The following ARV1 variants were observed in gnomAD, a reference collection of about 807,000 sequenced individuals.
ARV1 encodes the protein ARV1 fatty acid homeostasis modulator.
ARV1 carries 26 observed loss-of-function variants against 31.1 expected under a neutral mutation model. The ratio of observed to expected loss-of-function variants is 0.84; its 90% confidence interval spans 0.61 to 1.16. The LOEUF is 1.16. Among genes scored for constraint, ARV1 ranks in the 50% most tolerant of loss-of-function variants. The pLI, the probability that ARV1 is intolerant of heterozygous loss-of-function variation, is 0.00. For missense variants in ARV1, 281 were observed against 324.9 expected, an observed-to-expected ratio of 0.86 and a Z score of 1.04; for synonymous variants, 117 against 123.2, an observed-to-expected ratio of 0.95 and a Z score of 0.34.
At chr1:230,979,668 G>T in intron 1 of ARV1, 1 of 231,984 alleles carries the variant, frequency 4.3e-6, no homozygotes, top group Non-Finnish European at 8.4e-6. Context: ...ATTCACCTAC[G>T]ATGCTTTTTA....
At chr1:230,990,287 T>C (rs759258089) in intron 3 of ARV1, 24 bp downstream of exon 3, 1 of 1,611,588 alleles carries the variant, frequency 6.2e-7, no homozygotes, top group South Asian at 1.1e-5. Context: ...ATGCTTTCCA[T>C]TCTTAGTTAA....
Position 230,995,771 on chromosome 1 carries a change from T to C in ARV1, c.460T>C (p.Tyr154His). Residue 154 changes from tyrosine to histidine, a missense_variant, in exon 4 of 6, where the codon TAT becomes CAT. Physicochemically the swap from Tyr to His is moderately conservative, Grantham distance 83. Coordinates refer to ENST00000310256, the MANE Select transcript of ARV1 (RefSeq NM_022786.3). Reference protein sequence around the residue: ...FAIAALEQTAYFIGIFTFLWV... With the variant: ...FAIAALEQTAHFIGIFTFLWV... ...CATTTCTTCTTTAGAACAAACTGCC[T>C]ATTTTATTGGCATTTTTACCTTCCT... 2 of 1,613,046 alleles carry C rather than the reference T, an allele frequency of 1.2e-6. No individual in the cohort carries two copies. The highest frequency in any genetic ancestry group is 1.1e-5 in the South Asian group (1 of 90,856).
intron 2 of ARV1, 118 bp from the exon 3 acceptor site, chr1:230,989,992 T>G: frequency 9.8e-7 from 1 of 1,017,420 alleles, no homozygotes; most frequent in Non-Finnish European, 1.4e-6. Context: ...GCCACTTAAT[T>G]GGGCAGTCCT....
chr1:230,994,312 T>A (rs1410210225), intron 3 of ARV1, among the ~76,000 whole-genome samples: 1 of 152,224 alleles, frequency 6.6e-6, no homozygotes, highest in African/African-American at 2.4e-5. Flanking sequence ...TTTGAGTGTC[T>A]CCAGTGACAG....
Position 230,990,131 on chromosome 1 carries a change from T to C in ARV1, c.316T>C (p.Phe106Leu), listed in dbSNP as rs772724990. Reference protein sequence around the residue: ...QINIHGKLCIFCLLCEAYLRW... With the variant: ...QINIHGKLCILCLLCEAYLRW... ...TCAGATCCATGGAAAACTCTGCATATTTTGTTTGCTTTGTGAAGCATACCT... is the reference window on the plus strand; with the variant it reads ...TCAGATCCATGGAAAACTCTGCATACTTTGTTTGCTTTGTGAAGCATACCT... Residue 106 changes from phenylalanine (F) to leucine (L), a missense_variant, in exon 3 of 6, where the codon TTT becomes CTT. Coordinates refer to ENST00000310256, the MANE Select transcript of ARV1 (RefSeq NM_022786.3). 1 of 1,606,750 alleles carries C rather than the reference T, an allele frequency of 6.2e-7. No homozygotes were observed. The highest frequency in any genetic ancestry group is 2.2e-5 in the East Asian group (1 of 44,702).
intron 2 of ARV1, among the ~76,000 whole-genome samples, chr1:230,989,207 C>T (rs192753683): frequency 1.9e-4 from 29 of 152,198 alleles, no homozygotes; most frequent in Admixed American, 1.6e-3. Flanking sequence ...GGCGTGATCT[C>T]GGCTCACTGC....
chr1:230,985,105 C>A (rs1679028733), intron 1 of ARV1, among the ~76,000 whole-genome samples: 1 of 152,202 alleles, frequency 6.6e-6, no homozygotes, highest in South Asian at 2.1e-4. Context: ...ACAAGCAGGA[C>A]AAAATTCAAA....
chr1:230,985,093 A>T (rs1679028406), intron 1 of ARV1, among the ~76,000 whole-genome samples: 1 of 152,218 alleles, frequency 6.6e-6, no homozygotes, highest in Non-Finnish European at 1.5e-5. Flanking sequence ...GTGATTAAAG[A>T]GACAAGCAGG....
chr1:230,996,928 G>A (rs1373053812), intron 4 of ARV1, among the ~76,000 whole-genome samples, 193 bp from the exon 5 acceptor site: 2 of 152,132 alleles, frequency 1.3e-5, no homozygotes, highest in African/African-American at 4.8e-5. Flanking sequence ...TCAGTGTTTT[G>A]TTGTAAGTAG....
At chr1:230,979,600 G>A (rs1269666536) in intron 1 of ARV1, 4 of 324,938 alleles carry the variant, frequency 1.2e-5, no homozygotes, top group Non-Finnish European at 1.7e-5. Flanking sequence ...CTTCCTTCTA[G>A]CTCTTCTCCC....
chr1:230,983,139 G>T (rs1678957532), intron 1 of ARV1, among the ~76,000 whole-genome samples: 1 of 152,102 alleles, frequency 6.6e-6, no homozygotes, highest in Non-Finnish European at 1.5e-5. Flanking sequence ...TTTCGGCCTA[G>T]CACGGTGGCT....
chr1:230,989,454 G>T (rs552994892), intron 2 of ARV1, among the ~76,000 whole-genome samples: 2 of 152,128 alleles, frequency 1.3e-5, no homozygotes, highest in Non-Finnish European at 2.9e-5. Flanking sequence ...ACTTTATATT[G>T]ATGGAGAAAG....
intron 3 of ARV1, among the ~76,000 whole-genome samples, chr1:230,991,821 G>A (rs539403289): frequency 3.9e-5 from 6 of 151,934 alleles, no homozygotes; most frequent in African/African-American, 1.2e-4. Flanking sequence ...TAGTAGAGAC[G>A]GCTTCACCAT....
intron 1 of ARV1, among the ~76,000 whole-genome samples, chr1:230,982,191 A>C (rs1168209760): frequency 6.6e-6 from 1 of 152,230 alleles, no homozygotes; most frequent in Non-Finnish European, 1.5e-5. Context: ...GAATAAATGT[A>C]TCACTTCCAG....
rs1283767993 is a variant in ARV1 at position 230,979,279 on chromosome 1, T to G, written c.174T>G (p.Cys58Trp). The G allele has an allele frequency of 1.2e-6, 2 of 1,612,930 alleles. No homozygotes were observed. ...YNHGVLKITI[C>W]KSCQKPVDKY... The stretch of plus-strand genomic sequence containing the variant: ...ACGGTGTGCTGAAGATAACCATCTG[T>G]GTGAGTTGTCAGGTGTGGGGTGCCC... Residue 58 changes from cysteine to tryptophan, a missense_variant and splice_region_variant, in exon 1 of 6, where the codon TGT (cysteine) becomes TGG (tryptophan). By Grantham distance (215) the Cys-to-Trp change is radical. Transcript: ENST00000310256.
intron 1 of ARV1, among the ~76,000 whole-genome samples, chr1:230,983,034 C>G (rs1265311065): frequency 6.6e-6 from 1 of 152,066 alleles, no homozygotes; most frequent in East Asian, 1.9e-4. Context: ...GTTTCTCTGA[C>G]TTTCCTCTAA....
rs7535183 is a variant in ARV1, at chr1:230,987,783, C to G, written c.175-537C>G. On this transcript the variant is annotated intron_variant, in intron 1 of 5. Coordinates refer to ENST00000310256, the MANE Select transcript of ARV1 (RefSeq NM_022786.3). ...CCAGGCTTCCCCTGTTACCGGCCAC[C>G]TCAGGATCATTCGGATCATGCCCCA... Among the ~76,000 whole-genome samples the G allele has an allele frequency of 9.7e-3, 1,473 of 152,312 alleles. 25 individuals are homozygous for G. The highest frequency in any genetic ancestry group is 0.033 in the African/African-American group (1,387 of 41,564).
chr1:230,998,367 A>G (rs1679430137), intron 5 of ARV1, among the ~76,000 whole-genome samples: 1 of 152,076 alleles, frequency 6.6e-6, no homozygotes, highest in Non-Finnish European at 1.5e-5. Flanking sequence ...CTCTCCTAAC[A>G]TGCCATCCTC....
At chr1:230,987,185 A>G (rs1679106462) in intron 1 of ARV1, among the ~76,000 whole-genome samples, 1 of 152,216 alleles carries the variant, frequency 6.6e-6, no homozygotes, top group African/African-American at 2.4e-5. Context: ...CTAGATGACT[A>G]ACAGGCGGGG....
Sources: allele counts gnomAD v4.1 joint callset (sites outside exome capture counted in the v4.1 genomes callset), GRCh38; gene constraint gnomAD v4.1.1; transcripts MANE v1.5; gene names NCBI Gene and HGNC (gene_info 2026-07-23, HGNC 2026-07-21).